The following GRIP1 variants were observed in gnomAD, a reference collection of about 807,000 sequenced individuals.
The protein encoded by GRIP1 is glutamate receptor-interacting protein 1.
GRIP1 carries 45 observed loss-of-function variants against 129.9 expected under a neutral mutation model. The ratio of observed to expected loss-of-function variants is 0.35; its 90% CI spans 0.27 to 0.44. The LOEUF is 0.44. Ranked by LOEUF, GRIP1 falls within the 20% of genes least tolerant of loss-of-function variation. The pLI, the probability that GRIP1 is intolerant of heterozygous loss-of-function variation, is 1.00. For missense variants in GRIP1, 1,196 were observed against 1,396.8 expected, an observed-to-expected ratio of 0.86 and a Z score of 2.29; for synonymous variants, 530 against 520.8, an observed-to-expected ratio of 1.02 and a Z score of -0.24.
chr12:66,965,949 C>T lies in GRIP1; in HGVS notation c.58+103101G>A, dbSNP rs201650785. 5.3e-5 allele frequency among the ~76,000 whole-genome samples: 8 copies of T among 152,164 alleles called. No homozygotes were observed. In the East Asian group the frequency reaches 1.2e-3, roughly 22 times the overall value. On this transcript the variant is annotated intron_variant, in intron 1 of 1. Coordinates refer to the GRIP1 transcript ENST00000643019. ...GCCTTCTCCATACTGACACTTCACA[C>T]TGTGATGACAAAATGAGGAGGAGAT... is the stretch of plus-strand genomic sequence containing the variant.
chr12:66,942,618 G>A lies in GRIP1; in HGVS notation c.58+126432C>T, dbSNP rs150991900. 2.5e-3 allele frequency among the ~76,000 whole-genome samples: 385 copies of A among 152,282 alleles called. 3 individuals are homozygous for A. Among genetic ancestry groups the A allele is most frequent in the African/African-American group, 8.3e-3 (344 of 41,558 alleles). The stretch of plus-strand genomic sequence containing the variant: ...GCATGGGTTAGTTGGGAGGAAGGGC[G>A]TTTCAGAATAAGCAGTGTGTGCTAT... On this transcript the variant is annotated intron_variant, in intron 1 of 1. Transcript: ENST00000643019.
chr12:66,535,811 C>A lies in GRIP1; in HGVS notation c.418+3267G>T, dbSNP rs1273176717. On this transcript the variant is annotated intron_variant, in intron 4 of 24. Coordinates refer to ENST00000359742, the MANE Select transcript of GRIP1 (RefSeq NM_001366722.1). ...TTCCTGAGTACTGGAATCTGATCCC[C>A]AAGCTTCGAACACCATCTATATTCC... is the stretch of plus-strand genomic sequence containing the variant. Among the ~76,000 whole-genome samples the A allele has an allele frequency of 2.0e-5, 3 of 152,292 alleles. No homozygotes were observed. In the East Asian group the frequency reaches 5.8e-4, roughly 29 times the overall value.
In GRIP1 at chr12:66,823,294, T is replaced by A. The variant is rs148950005; in HGVS notation, c.59-226367A>T. Among the ~76,000 whole-genome samples, 304 of 152,320 alleles carry A rather than the reference T, an allele frequency of 2.0e-3. 1 individual carries two copies. The highest frequency in any genetic ancestry group is 6.9e-3 in the African/African-American group (285 of 41,574). Reference sequence around the variant, plus strand: ...ATAGCATTGTAAAGAACTGTTTTTTTATAATTATGTGTTATTTGGTACATG... The same window carrying A: ...ATAGCATTGTAAAGAACTGTTTTTTAATAATTATGTGTTATTTGGTACATG... On this transcript the variant is annotated intron_variant, in intron 1 of 1. Transcript: ENST00000643019.
chr12:66,818,353 A>C (rs1327632521), intron 1 of GRIP1, among the ~76,000 whole-genome samples: 2 of 152,154 alleles, frequency 1.3e-5, no homozygotes, highest in Non-Finnish European at 2.9e-5. Flanking sequence ...CAAAGTTCCA[A>C]TTTTCACTTA....
intron 1 of GRIP1, among the ~76,000 whole-genome samples, chr12:66,982,741 G>A (rs986821085): frequency 2.0e-5 from 3 of 152,126 alleles, no homozygotes; most frequent in Non-Finnish European, 4.4e-5. Context: ...CTGATGCCCC[G>A]ATTGTAGTCT....
chr12:67,060,014 G>T (rs1452962030), intron 1 of GRIP1, among the ~76,000 whole-genome samples: 2 of 152,136 alleles, frequency 1.3e-5, no homozygotes, highest in Admixed American at 1.3e-4. Context: ...CCCTGAGCAT[G>T]GTGCTATGGA....
chr12:66,420,762 G>C lies in GRIP1; in HGVS notation c.1796C>G (p.Pro599Arg). ...SSPSSRKPGD[P>R]LVISDIKKGS... ...TTTCTTGATATCTGAAATGACGAGG[G>C]GGTCTCCTGGTTTTCTACTGGATGG... The change falls in exon 15 of 25, where the codon CCC (proline) becomes CGC (arginine). Residue 599 changes from proline to arginine, a missense_variant. By Grantham distance (103) the Pro-to-Arg change is moderately radical. Around this residue, in one of 5 missense-constraint regions of GRIP1, gnomAD observed 508 missense variants for 587.0 expected, o/e 0.87. Coordinates refer to ENST00000359742, the MANE Select transcript of GRIP1 (RefSeq NM_001366722.1). 4 of 1,588,470 alleles carry C rather than the reference G, an allele frequency of 2.5e-6. No individual in the cohort carries two copies. The highest frequency in any genetic ancestry group is 1.7e-6 in the Non-Finnish European group (2 of 1,156,642).
chr12:66,949,637 C>A (rs1370463788), intron 1 of GRIP1, among the ~76,000 whole-genome samples: 2 of 151,768 alleles, frequency 1.3e-5, no homozygotes, highest in African/African-American at 2.4e-5. Flanking sequence ...AAAGTAGACA[C>A]AAAAGTGCAT....
chr12:66,541,887 G>A lies in GRIP1; in HGVS notation c.200C>T (p.Thr67Met), dbSNP rs769597481. ...MKKEGTTLGL[T>M]VSGGIDKDGK... ...ATCCTTATCAATTCCTCCCGATACC[G>A]TCAGACCCAGGGTAGTGCCTTCCTT... is the stretch of plus-strand genomic sequence containing the variant. Residue 67 changes from threonine to methionine, a missense_variant, in exon 3 of 25, where the codon ACG becomes ATG. By Grantham distance (81) the Thr-to-Met change is moderately conservative. Around this residue, in one of 5 missense-constraint regions of GRIP1, gnomAD observed 217 missense variants for 224.8 expected, o/e 0.97. Transcript: ENST00000359742. 4.3e-6 allele frequency: 7 copies of A among 1,613,728 alleles called. No individual in the cohort carries two copies. Among genetic ancestry groups the A allele is most frequent in the Admixed American group, 3.3e-5 (2 of 60,016 alleles).
rs1476523773 is a variant in GRIP1 at position 66,664,804 on chromosome 12, TA to T, written c.55+14045del. 2.0e-5 allele frequency among the ~76,000 whole-genome samples: 3 copies of T among 152,194 alleles called. No individual in the cohort carries two copies. In the South Asian group the frequency reaches 6.2e-4, roughly 32 times the overall value. Reference sequence around the variant, plus strand: ...TGGTAGCTATTGTTATTAGTAATGTTAATATTACTTTTAATCGTTTTGTTTT... The same window carrying T: ...TGGTAGCTATTGTTATTAGTAATGTTATATTACTTTTAATCGTTTTGTTTT... On this transcript the variant is annotated intron_variant, in intron 1 of 24. Coordinates refer to ENST00000359742, the MANE Select transcript of GRIP1 (RefSeq NM_001366722.1).
chr12:66,746,763 GT>G (rs1263993160), intron 1 of GRIP1, among the ~76,000 whole-genome samples: 1 of 152,178 alleles, frequency 6.6e-6, no homozygotes, highest in East Asian at 1.9e-4. Flanking sequence ...GGTGTGAAAG[GT>G]TGATTGGATT....
At chr12:66,548,147 G>A (rs1224229323) in intron 2 of GRIP1, among the ~76,000 whole-genome samples, 2 of 152,140 alleles carry the variant, frequency 1.3e-5, no homozygotes, top group African/African-American at 2.4e-5. Context: ...ATGAACATGT[G>A]TTGTTCTTTT....
Position 66,887,096 on chromosome 12 carries a change from C to T in GRIP1, c.58+181954G>A, listed in dbSNP as rs566247007. On this transcript the variant is annotated intron_variant, in intron 1 of 1. Transcript: ENST00000643019. ...GCAATTAAAACTGTGGTGCATGAAC[C>T]ACTTGATCTTATGCTTTGTTTTTCT... Among the ~76,000 whole-genome samples the T allele has an allele frequency of 1.2e-3, 190 of 152,266 alleles. 1 individual carries two copies. The highest frequency in any genetic ancestry group is 4.5e-3 in the African/African-American group (185 of 41,534).
intron 1 of GRIP1, among the ~76,000 whole-genome samples, chr12:66,598,752 A>G (rs1052732652): frequency 2.0e-5 from 3 of 152,226 alleles, no homozygotes; most frequent in Non-Finnish European, 4.4e-5. Context: ...GTTTATGAGC[A>G]TAGAGCACTG....
At chr12:66,653,417 A>C (rs2136153416) in intron 1 of GRIP1, among the ~76,000 whole-genome samples, 1 of 152,352 alleles carries the variant, frequency 6.6e-6, no homozygotes, top group Non-Finnish European at 1.5e-5. Flanking sequence ...AGTATCACCT[A>C]GAATGAGAAC....
chr12:66,371,816 A>C lies in GRIP1; in HGVS notation c.2890T>G (p.Tyr964Asp), dbSNP rs1199999358. Residue 964 changes from tyrosine to aspartate, a missense_variant, in exon 23 of 25, where the codon TAC becomes GAC. Physicochemically the swap from Tyr to Asp is radical, Grantham distance 160. Around this residue, in one of 5 missense-constraint regions of GRIP1, gnomAD observed 427 missense variants for 463.3 expected, o/e 0.92. Coordinates refer to ENST00000359742, the MANE Select transcript of GRIP1 (RefSeq NM_001366722.1). Reference protein sequence around the residue: ...FQERSSSRPHYSQTTRSNTLP... With the variant: ...FQERSSSRPHDSQTTRSNTLP... ...GTGTTGCTCCGAGTTGTTTGGCTGT[A>C]GTGCGGCCGCGAGCTGCTGCGCTCC... The C allele has an allele frequency of 1.3e-5, 21 of 1,613,956 alleles. No individual in the cohort carries two copies. In the Admixed American group the frequency reaches 3.5e-4, roughly 27 times the overall value.
intron 1 of GRIP1, among the ~76,000 whole-genome samples, chr12:66,638,824 T>C (rs560069356): frequency 6.6e-6 from 1 of 152,244 alleles, no homozygotes; most frequent in African/African-American, 2.4e-5. Flanking sequence ...GTGCATATGA[T>C]ATAGTGCTGG....
At chr12:66,961,217 C>CGGA (rs201542811) in intron 1 of GRIP1, among the ~76,000 whole-genome samples, 1,853 of 151,922 alleles carry the variant, frequency 0.012, 43 homozygotes, top group African/African-American at 0.042. Flanking sequence ...AGAGCAGAGA[C>CGGA]GGAGGAGGAG....
At chr12:66,904,408 C>T (rs1364947637) in intron 1 of GRIP1, among the ~76,000 whole-genome samples, 3 of 152,114 alleles carry the variant, frequency 2.0e-5, no homozygotes, top group African/African-American at 7.2e-5. Flanking sequence ...GATGGAAAAT[C>T]AATTGATCTG....
Sources: allele counts gnomAD v4.1 joint callset (sites outside exome capture counted in the v4.1 genomes callset), GRCh38; gene constraint gnomAD v4.1.1; regional missense constraint gnomAD v4.1.1; transcripts MANE v1.5; gene names NCBI Gene and HGNC (gene_info 2026-07-23, HGNC 2026-07-21).